COL5A2: variants seen among roughly 807,000 people sequenced by gnomAD.
The protein encoded by COL5A2 is collagen type V alpha 2 chain, also known as collagen alpha-2(V) chain.
Under a neutral mutation model 208.2 loss-of-function variants are expected in COL5A2, and 23 were observed. The ratio of observed to expected loss-of-function variants is 0.11; its 90% CI spans 0.08 to 0.16. The LOEUF (loss-of-function observed/expected upper bound fraction) is 0.16, where lower values mean the gene tolerates loss of function less well. Among genes scored for constraint, COL5A2 ranks in the 10% least tolerant of loss-of-function variants. COL5A2 has a pLI of 1.00. For synonymous variants in COL5A2, 625 were observed against 628.5 expected (o/e 0.99, Z 0.08); for missense variants, 1,590 against 1,956.4 (o/e 0.81, Z 3.53).
chr2:189,199,879 A>G (rs1689049903), intron 1 of COL5A2, among the ~76,000 whole-genome samples: 1 of 152,176 alleles, frequency 6.6e-6, no homozygotes, highest in Non-Finnish European at 1.5e-5. Context: ...ATATCCTACA[A>G]GTTGACCATT....
the COL5A2 span, among the ~76,000 whole-genome samples, chr2:189,231,315 A>AT: frequency 7.9e-4 from 120 of 151,582 alleles, no homozygotes; most frequent in Middle Eastern, 0.014. Context: ...CTCAAGTTAT[A>AT]TTTTTTTTGC....
Position 189,051,388 on chromosome 2 carries a change from C to T in COL5A2, c.2863G>A (p.Asp955Asn), listed in dbSNP as rs754751410. 10 of 1,614,088 alleles carry T rather than the reference C, an allele frequency of 6.2e-6. No homozygotes were observed. The highest frequency in any genetic ancestry group is 1.7e-5 in the Admixed American group (1 of 60,022). The change falls in exon 42 of 54, where the codon GAT becomes AAT. Residue 955 changes from aspartate to asparagine, a missense_variant. By Grantham distance (23) the Asp-to-Asn change is conservative. Coordinates refer to ENST00000374866, the MANE Select transcript of COL5A2 (RefSeq NM_000393.5). ...GDPGSHGRVG[D>N]RGPAGPPGGP... ...CCAGGGGGGCCAGCTGGTCCTCGATCTCCCACACGCCCATGAGAGCCAGGG... is the reference window on the plus strand; with the variant it reads ...CCAGGGGGGCCAGCTGGTCCTCGATTTCCCACACGCCCATGAGAGCCAGGG...
chr2:189,256,129 A>C, the COL5A2 span, among the ~76,000 whole-genome samples: 3 of 152,226 alleles, frequency 2.0e-5, no homozygotes, highest in Non-Finnish European at 4.4e-5. Flanking sequence ...GTTGAGATTT[A>C]GTCTTGCCTT....
the COL5A2 span, among the ~76,000 whole-genome samples, chr2:189,387,127 T>A: frequency 3.3e-5 from 5 of 151,646 alleles, no homozygotes; most frequent in Admixed American, 6.6e-5. Flanking sequence ...TGGAATATTA[T>A]ACAGTCATAA....
chr2:189,177,204 G>C (rs1319395141), intron 1 of COL5A2, among the ~76,000 whole-genome samples: 1 of 152,180 alleles, frequency 6.6e-6, no homozygotes, highest in Admixed American at 6.5e-5. Context: ...CACATTATGT[G>C]ACTGTTATAG....
At chr2:189,419,055 T>C in the COL5A2 span, among the ~76,000 whole-genome samples, 3 of 152,140 alleles carry the variant, frequency 2.0e-5, no homozygotes, top group African/African-American at 7.2e-5. Flanking sequence ...ACAGAGCCCA[T>C]CAGGAAAATC....
chr2:189,327,047 G>A, the COL5A2 span, among the ~76,000 whole-genome samples: 3,812 of 150,726 alleles, frequency 0.025, 173 homozygotes, highest in African/African-American at 0.088. Context: ...CTCCAGCCTG[G>A]GTGACAGAGC....
chr2:189,101,365 G>A (rs943002185), intron 3 of COL5A2, among the ~76,000 whole-genome samples: 10 of 151,978 alleles, frequency 6.6e-5, no homozygotes, highest in African/African-American at 2.4e-4. Context: ...ACACCCCGGA[G>A]ATAACCACTG....
At chr2:189,239,304 C>A in the COL5A2 span, among the ~76,000 whole-genome samples, 1 of 151,892 alleles carries the variant, frequency 6.6e-6, no homozygotes, top group Non-Finnish European at 1.5e-5. Flanking sequence ...TTCCCAGGAA[C>A]CTGTTACCTT....
At chr2:189,331,535 G>A in the COL5A2 span, among the ~76,000 whole-genome samples, 2 of 152,070 alleles carry the variant, frequency 1.3e-5, no homozygotes, top group Admixed American at 1.3e-4. Flanking sequence ...AGATCTGATG[G>A]TTTTAAAAAT....
intron 45 of COL5A2, among the ~76,000 whole-genome samples, chr2:189,046,258 T>C (rs1685665062): frequency 6.6e-6 from 1 of 152,262 alleles, no homozygotes; most frequent in African/African-American, 2.4e-5. Context: ...ACACAAAGAC[T>C]TTCCAAAGAC....
chr2:189,262,309 T>C, the COL5A2 span, among the ~76,000 whole-genome samples: 18 of 152,020 alleles, frequency 1.2e-4, no homozygotes, highest in Admixed American at 3.3e-4. Context: ...TGAAAGCTTT[T>C]AGTTTTCTTG....
In COL5A2 at chr2:189,053,409, A is replaced by T. The variant is rs2105564870; in HGVS notation, c.2553+15T>A. On this transcript the variant is annotated intron_variant, in intron 38 of 53. Coordinates refer to ENST00000374866, the MANE Select transcript of COL5A2 (RefSeq NM_000393.5). ...AAGTGTTTATTTGTAAATTAGGGAT[A>T]TTTGAAAATTATACCTGGGGTCCGG... 6.2e-7 allele frequency: 1 copy of T among 1,608,806 alleles called. No homozygotes were observed.
intron 1 of COL5A2, among the ~76,000 whole-genome samples, chr2:189,145,102 T>C (rs2105778646): frequency 6.6e-6 from 1 of 152,272 alleles, no homozygotes; most frequent in East Asian, 1.9e-4. Context: ...TATGAAACAG[T>C]AGAAGCCATG....
the COL5A2 span, among the ~76,000 whole-genome samples, chr2:189,230,452 T>C: frequency 6.6e-6 from 1 of 151,698 alleles, no homozygotes; most frequent in Admixed American, 6.6e-5. Context: ...CCAAAATATA[T>C]AAAGGATTAC....
Position 189,057,366 on chromosome 2 carries a change from G to C in COL5A2, c.2291C>G (p.Pro764Arg), listed in dbSNP as rs150260969. 4.0e-4 allele frequency: 646 copies of C among 1,608,322 alleles called. 1 individual carries two copies. The highest frequency in any genetic ancestry group is 1.4e-3 in the Admixed American group (86 of 59,416). Residue 764 changes from proline to arginine, a missense_variant, in exon 34 of 54, where the codon CCG (proline) becomes CGG (arginine). Coordinates refer to ENST00000374866, the MANE Select transcript of COL5A2 (RefSeq NM_000393.5). ...DTGPPGLQGM[P>R]GERGIAGTPG... is the part of the protein sequence containing the mutation. ...AGTTCCTGCAATTCCTCTTTCTCCC[G>C]GCATACCTTGAAGACCTGGTGGGCC...
chr2:189,052,362 C>T lies in COL5A2; in HGVS notation c.2716-137G>A, dbSNP rs184384091. 2.1e-4 allele frequency: 173 copies of T among 817,738 alleles called. 1 individual carries two copies. In the East Asian group the frequency reaches 3.7e-3, roughly 18 times the overall value. 50.7% of individuals were successfully genotyped at this position (817,738 alleles called of 1,614,324 possible). On this transcript the variant is annotated intron_variant, in intron 40 of 53. Coordinates refer to ENST00000374866, the MANE Select transcript of COL5A2 (RefSeq NM_000393.5). ...GTTGTAAGCAATATTTTTTTTTCTT[C>T]GTACGAATCCCATATTTTGGGGAAT... is the stretch of plus-strand genomic sequence containing the variant.
chr2:189,415,670 C>T, the COL5A2 span, among the ~76,000 whole-genome samples: 621 of 149,240 alleles, frequency 4.2e-3, 6 homozygotes, highest in African/African-American at 0.015. Flanking sequence ...ATACATTTTT[C>T]TTTTTTTTGG....
At chr2:189,371,218 A>C in the COL5A2 span, among the ~76,000 whole-genome samples, 1 of 152,132 alleles carries the variant, frequency 6.6e-6, no homozygotes, top group Non-Finnish European at 1.5e-5. Flanking sequence ...CTTCCTGTAA[A>C]GCCTACAGAA....
Sources: allele counts gnomAD v4.1 joint callset (sites outside exome capture counted in the v4.1 genomes callset), GRCh38; gene constraint gnomAD v4.1.1; transcripts MANE v1.5; gene names NCBI Gene and HGNC (gene_info 2026-07-23, HGNC 2026-07-21).